Variants in DNER observed in about 807,000 individuals in gnomAD.
The protein encoded by DNER is delta/notch like EGF repeat containing, also known as delta and Notch-like epidermal growth factor-related receptor.
Under a neutral mutation model 78.2 loss-of-function variants are expected in DNER, and 33 were observed. The ratio of observed to expected loss-of-function variants is 0.42; its 90% CI spans 0.32 to 0.56. The LOEUF (loss-of-function observed/expected upper bound fraction) is 0.56, where lower values mean the gene tolerates loss of function less well. DNER is among the 20% of genes least tolerant of loss of function. The pLI is 0.11. For missense variants in DNER, 918 were observed against 975.3 expected (o/e 0.94, Z 0.78); for synonymous variants, 417 against 384.8 (o/e 1.08, Z -0.98).
intron 1 of DNER, among the ~76,000 whole-genome samples, chr2:229,672,630 G>C (rs770913496): frequency 1.3e-5 from 2 of 151,922 alleles, no homozygotes; most frequent in East Asian, 3.9e-4. Flanking sequence ...AAGAGAAAGA[G>C]AGAAAGATAG....
intron 1 of DNER, among the ~76,000 whole-genome samples, chr2:229,624,525 A>G (rs896491401): frequency 6.6e-6 from 1 of 152,038 alleles, no homozygotes; most frequent in African/African-American, 2.4e-5. Context: ...TAATGGCTTT[A>G]AGAGACTTTC....
intron 1 of DNER, among the ~76,000 whole-genome samples, chr2:229,614,679 C>T (rs1044537384): frequency 6.6e-6 from 1 of 152,172 alleles, no homozygotes; most frequent in Non-Finnish European, 1.5e-5. Context: ...AGCTATGAAC[C>T]CGGGCATAAG....
rs1034444006 is a variant in DNER at position 229,615,325 on chromosome 2, C to T, written c.277-23437G>A. Among the ~76,000 whole-genome samples the T allele has an allele frequency of 2.0e-5, 3 of 150,412 alleles. 1 individual carries two copies. On this transcript the variant is annotated intron_variant, in intron 1 of 12. Coordinates refer to ENST00000341772, the MANE Select transcript of DNER (RefSeq NM_139072.4). ...ACTCGGGAAGCTGAGGCAGAAGAAT[C>T]GTTTGAACCTTGGAGGCTGAGGTTG...
intron 7 of DNER, among the ~76,000 whole-genome samples, chr2:229,465,630 A>C (rs975135041): frequency 6.6e-6 from 1 of 152,224 alleles, no homozygotes; most frequent in Non-Finnish European, 1.5e-5. Context: ...CCCCCATCCC[A>C]TACCTGCTGA....
intron 5 of DNER, among the ~76,000 whole-genome samples, chr2:229,546,382 A>G (rs1696626363): frequency 6.6e-6 from 1 of 152,186 alleles, no homozygotes; most frequent in South Asian, 2.1e-4. Flanking sequence ...AAGGAATTTA[A>G]TTGGGCTGAA....
chr2:229,499,931 C>CTTTTTTTTT (rs58019962), intron 6 of DNER, among the ~76,000 whole-genome samples: 18 of 134,838 alleles, frequency 1.3e-4, no homozygotes, highest in African/African-American at 4.5e-4. Context: ...GACTTTCTTT[C>CTTTTTTTTT]TTTTTTTTTT....
intron 10 of DNER, among the ~76,000 whole-genome samples, chr2:229,388,639 AT>A (rs1692953381): frequency 3.7e-5 from 3 of 80,632 alleles, no homozygotes; most frequent in Admixed American, 2.8e-4. Context: ...ATATATATAT[AT>A]ATATATAGCA....
chr2:229,618,251 A>G (rs1183362988), intron 1 of DNER, among the ~76,000 whole-genome samples: 1 of 152,212 alleles, frequency 6.6e-6, no homozygotes, highest in African/African-American at 2.4e-5. Context: ...ACATAGTGTT[A>G]TTACACAAAA....
chr2:229,362,539 G>T (rs1287724937), intron 12 of DNER, among the ~76,000 whole-genome samples: 1 of 152,178 alleles, frequency 6.6e-6, no homozygotes, highest in African/African-American at 2.4e-5. Context: ...ACAAGTCCTG[G>T]TTTTCTCACA....
intron 6 of DNER, among the ~76,000 whole-genome samples, chr2:229,479,712 CAA>C (rs1023070502): frequency 3.8e-5 from 3 of 79,800 alleles, no homozygotes; most frequent in Admixed American, 1.3e-4. Flanking sequence ...GACTTTGTCT[CAA>C]AAAAAAAAAA....
chr2:229,380,833 G>A (rs1032500428), intron 11 of DNER, among the ~76,000 whole-genome samples: 9 of 152,078 alleles, frequency 5.9e-5, no homozygotes, highest in Admixed American at 2.6e-4. Context: ...GCTGAGGTAG[G>A]AGAATCACTT....
At chr2:229,582,078 G>C (rs1328587637) in intron 4 of DNER, among the ~76,000 whole-genome samples, 1 of 152,156 alleles carries the variant, frequency 6.6e-6, no homozygotes, top group Non-Finnish European at 1.5e-5. Flanking sequence ...TACCGTGGAA[G>C]TTTTCTTCCG....
intron 1 of DNER, among the ~76,000 whole-genome samples, chr2:229,626,239 A>G (rs999965047): frequency 6.6e-6 from 1 of 152,160 alleles, no homozygotes; most frequent in African/African-American, 2.4e-5. Context: ...CTTCAATGAC[A>G]TAGGTTGGAG....
At chr2:229,636,616 A>G (rs1039726787) in intron 1 of DNER, among the ~76,000 whole-genome samples, 2 of 152,214 alleles carry the variant, frequency 1.3e-5, no homozygotes, top group Admixed American at 6.5e-5. Flanking sequence ...AAATCATGAG[A>G]CTTGAATCAC....
intron 2 of DNER, among the ~76,000 whole-genome samples, chr2:229,590,435 C>T (rs763048965): frequency 2.6e-5 from 4 of 152,062 alleles, no homozygotes; most frequent in African/African-American, 4.8e-5. Context: ...CTTCAAGGTA[C>T]CAAAAATAGA....
chr2:229,364,873 T>A (rs1179327214), intron 12 of DNER, among the ~76,000 whole-genome samples: 1 of 121,080 alleles, frequency 8.3e-6, no homozygotes, highest in Non-Finnish European at 1.6e-5. Flanking sequence ...TTTTTTTAGG[T>A]AGAGTCTTGC....
intron 6 of DNER, among the ~76,000 whole-genome samples, chr2:229,505,752 A>G (rs1024388150): frequency 1.2e-4 from 18 of 152,254 alleles, no homozygotes; most frequent in Admixed American, 3.3e-4. Flanking sequence ...CTCAGAAAAT[A>G]AAACAATATG....
At chr2:229,477,057 C>T in intron 7 of DNER, 83 bp downstream of exon 7, 1 of 1,128,478 alleles carries the variant, frequency 8.9e-7, no homozygotes, top group Non-Finnish European at 1.2e-6. Context: ...TAGAGTTTTG[C>T]AGAAACAAAG....
At chr2:229,448,737 A>G (rs574072501) in intron 7 of DNER, among the ~76,000 whole-genome samples, 2 of 152,348 alleles carry the variant, frequency 1.3e-5, no homozygotes, top group African/African-American at 2.4e-5. Flanking sequence ...CCATAAAACT[A>G]TACTTCTTTC....
Sources: gnomAD v4.1 joint callset for allele counts (sites outside exome capture counted in the v4.1 genomes callset) on GRCh38, gnomAD v4.1.1 for gene constraint, MANE v1.5 for transcripts, NCBI Gene and HGNC (gene_info 2026-07-23, HGNC 2026-07-21) for gene names.